ESRRG: variants seen among roughly 807,000 people sequenced by gnomAD.
ESRRG encodes the protein estrogen related receptor gamma.
Under a neutral mutation model 44.0 loss-of-function variants are expected in ESRRG, and 13 were observed. The observed-to-expected ratio is 0.30, with a 90% CI of 0.19 to 0.47. ESRRG has a LOEUF of 0.47. Ranked by LOEUF, ESRRG falls within the 20% of genes least tolerant of loss-of-function variation. The pLI is 1.00. For missense variants in ESRRG, 395 were observed against 580.6 expected (o/e 0.68, Z 3.29); for synonymous variants, 215 against 214.6 (o/e 1.00, Z -0.02).
intron 2 of ESRRG, among the ~76,000 whole-genome samples, chr1:216,672,528 T>G (rs1177869898): frequency 2.0e-5 from 3 of 152,208 alleles, no homozygotes; most frequent in African/African-American, 7.2e-5. Flanking sequence ...TCCCAACTTT[T>G]TAAACGTATA....
intron 1 of ESRRG, among the ~76,000 whole-genome samples, chr1:216,679,504 T>A (rs535687187): frequency 6.6e-6 from 1 of 152,126 alleles, no homozygotes; most frequent in Non-Finnish European, 1.5e-5. Flanking sequence ...GAGTTAGAAG[T>A]TTTTAGGGTA....
At chr1:216,799,221 T>A (rs1034196337) in intron 2 of ESRRG, among the ~76,000 whole-genome samples, 1 of 152,178 alleles carries the variant, frequency 6.6e-6, no homozygotes, top group Non-Finnish European at 1.5e-5. Context: ...AATATTCTCT[T>A]GACTCAGGAA....
rs557897204 is a variant in ESRRG at position 216,639,056 on chromosome 1, T to C, written c.589+11917A>G. 3.3e-5 allele frequency among the ~76,000 whole-genome samples: 5 copies of C among 152,262 alleles called. No individual in the cohort carries two copies. The South Asian group carries it at 8.3e-4, about 25-fold the overall frequency. ...ATTTAATTGGCTTCAAATATACTAA[T>C]GATTATGATAATGTTGATACTGAAG... On this transcript the variant is annotated intron_variant, in intron 3 of 6. Coordinates refer to ENST00000408911, the MANE Select transcript of ESRRG (RefSeq NM_001438.4).
At chr1:216,685,189 AC>A (rs1001992011) in intron 1 of ESRRG, among the ~76,000 whole-genome samples, 3 of 152,216 alleles carry the variant, frequency 2.0e-5, no homozygotes, top group Non-Finnish European at 2.9e-5. Flanking sequence ...GTAGAGTCTA[AC>A]AGCCCTAGGC....
chr1:217,132,535 T>A (rs1024477180), intron 1 of ESRRG, among the ~76,000 whole-genome samples: 5 of 152,182 alleles, frequency 3.3e-5, no homozygotes, highest in Non-Finnish European at 5.9e-5. Context: ...TAGCAGCCAG[T>A]GGCACCACGA....
chr1:217,109,805 A>G (rs2092640692), intron 1 of ESRRG, among the ~76,000 whole-genome samples: 2 of 152,268 alleles, frequency 1.3e-5, no homozygotes, highest in Admixed American at 6.5e-5. Context: ...ACATGAGTGG[A>G]AAAGAAAGCA....
Position 216,788,027 on chromosome 1 carries a change from C to T in ESRRG, c.-13-110536G>A, listed in dbSNP as rs142235516. On this transcript the variant is annotated intron_variant, in intron 2 of 7. Coordinates refer to the ESRRG transcript ENST00000359162. ...CGCAGAAGAAAAGTTGGGGCTATCA[C>T]GCATTGGTTCATGAAGTTCAAAGAA... 5.7e-3 allele frequency among the ~76,000 whole-genome samples: 873 copies of T among 152,148 alleles called. 8 individuals are homozygous for T. Among genetic ancestry groups the T allele is most frequent in the African/African-American group, 0.02 (815 of 41,512 alleles).
chr1:216,621,575 C>G (rs2062244559), intron 3 of ESRRG, among the ~76,000 whole-genome samples: 1 of 152,088 alleles, frequency 6.6e-6, no homozygotes, highest in East Asian at 1.9e-4. Context: ...GTCCATAGTC[C>G]CATTTCTACA....
chr1:217,133,175 G>A (rs972654174), intron 1 of ESRRG, among the ~76,000 whole-genome samples: 4 of 152,264 alleles, frequency 2.6e-5, no homozygotes, highest in Non-Finnish European at 5.9e-5. Flanking sequence ...CGCATAGAGA[G>A]CTGAGCGAGT....
chr1:217,114,846 G>T (rs1489923536), intron 1 of ESRRG, among the ~76,000 whole-genome samples: 1 of 151,770 alleles, frequency 6.6e-6, no homozygotes, highest in Non-Finnish European at 1.5e-5. Flanking sequence ...TAGTAGAGAT[G>T]ATTTTTAGGG....
At chr1:217,057,900 G>A (rs886493474) in intron 1 of ESRRG, among the ~76,000 whole-genome samples, 6 of 152,084 alleles carry the variant, frequency 3.9e-5, no homozygotes, top group African/African-American at 1.2e-4. Flanking sequence ...TTCTTCCAAC[G>A]TGGCCCAGGG....
chr1:216,702,975 A>T lies in ESRRG; in HGVS notation c.56+20269T>A, dbSNP rs1036598071. ...TTCTTGCCAGTATATCTTAAATTTT[A>T]AAAAAATAATAATAAATCAGCACTG... On this transcript the variant is annotated intron_variant, in intron 1 of 6. Coordinates refer to ENST00000408911, the MANE Select transcript of ESRRG (RefSeq NM_001438.4). Among the ~76,000 whole-genome samples the T allele has an allele frequency of 5.3e-5, 8 of 152,234 alleles. No homozygotes were observed. The East Asian group carries it at 7.7e-4, about 15-fold the overall frequency.
chr1:216,978,486 T>C (rs929738487), intron 1 of ESRRG, among the ~76,000 whole-genome samples: 2 of 152,180 alleles, frequency 1.3e-5, no homozygotes, highest in Non-Finnish European at 2.9e-5. Flanking sequence ...AAATTTAATC[T>C]AGTCAAACAT....
At chr1:217,126,856 C>A (rs978392359) in intron 1 of ESRRG, among the ~76,000 whole-genome samples, 3 of 152,208 alleles carry the variant, frequency 2.0e-5, no homozygotes, top group Non-Finnish European at 4.4e-5. Context: ...GCTATGAACA[C>A]TGCCCAACTG....
intron 2 of ESRRG, among the ~76,000 whole-genome samples, chr1:216,891,306 C>T (rs1290331108): frequency 6.6e-6 from 1 of 152,216 alleles, no homozygotes; most frequent in Non-Finnish European, 1.5e-5. Flanking sequence ...TTTAGTAAAA[C>T]GGTGAAGCTT....
At chr1:216,950,364 G>A (rs191382225) in intron 1 of ESRRG, among the ~76,000 whole-genome samples, 3 of 152,222 alleles carry the variant, frequency 2.0e-5, no homozygotes, top group African/African-American at 7.2e-5. Flanking sequence ...GGAAATTCAC[G>A]ATTTATGTGA....
chr1:216,799,643 T>C (rs2148270763), intron 2 of ESRRG, among the ~76,000 whole-genome samples: 1 of 152,256 alleles, frequency 6.6e-6, no homozygotes, highest in South Asian at 2.1e-4. Context: ...GAATATGCAA[T>C]GACAGAAAGA....
In ESRRG at chr1:217,108,113, T is replaced by G. The variant is rs959938438; in HGVS notation, c.-230+29554A>C. On this transcript the variant is annotated intron_variant, in intron 1 of 8. Transcript: ENST00000366940. The stretch of plus-strand genomic sequence containing the variant: ...GTTTTCCAAAAATTCTTCCTGCTTT[T>G]TCTCCTAATTCTTGACAACACAAAC... 6.6e-5 allele frequency among the ~76,000 whole-genome samples: 10 copies of G among 152,302 alleles called. No individual in the cohort carries two copies. The East Asian group carries it at 1.9e-3, about 29-fold the overall frequency.
Position 216,505,603 on chromosome 1 carries a change from C to G in ESRRG, c.*1336G>C, listed in dbSNP as rs898982594. The G allele has an allele frequency of 6.6e-6, 1 of 152,492 alleles. No individual in the cohort carries two copies. Among genetic ancestry groups the G allele is most frequent in the Non-Finnish European group, 1.5e-5 (1 of 68,032 alleles). 9.4% of individuals were successfully genotyped at this position (152,492 alleles called of 1,614,324 possible). On this transcript the variant is annotated 3_prime_UTR_variant, in exon 7 of 7. Coordinates refer to ENST00000408911, the MANE Select transcript of ESRRG (RefSeq NM_001438.4). ...GCTAGAAATCATATGGCAATTGTACCTCCCAAGTAGAGAGGTGCACTCCTG... is the reference window on the plus strand; with the variant it reads ...GCTAGAAATCATATGGCAATTGTACGTCCCAAGTAGAGAGGTGCACTCCTG...
Sources: allele counts gnomAD v4.1 joint callset (sites outside exome capture counted in the v4.1 genomes callset), GRCh38; gene constraint gnomAD v4.1.1; transcripts MANE v1.5; gene names NCBI Gene and HGNC (gene_info 2026-07-23, HGNC 2026-07-21).